The following ZNF8 variants were observed in gnomAD, a reference collection of about 807,000 sequenced individuals.
The protein encoded by ZNF8 is zinc finger protein 272.
Under a neutral mutation model 12.2 loss-of-function variants are expected in ZNF8, and 9 were observed. The observed-to-expected ratio is 0.73, with a 90% confidence interval of 0.44 to 1.28. The LOEUF is 1.28. Ranked by LOEUF, ZNF8 falls within the 50% of genes most tolerant of loss-of-function variation. The probability of loss-of-function intolerance (pLI) is 0.00; values close to 1 mark genes in which losing one functional copy is unlikely to be tolerated. For missense variants in ZNF8, 664 were observed against 729.1 expected (o/e 0.91, Z 1.03); for synonymous variants, 274 against 282.3 (o/e 0.97, Z 0.30).
At position 58,285,764 on chromosome 19, in the gene ZNF8, A is replaced by G. The variant is rs1366657218; in HGVS notation, c.114A>G (p.Glu38=). Reference sequence around the variant, plus strand: ...TGGCTGTGGACTTTACCCAGGAGGAATGGGGGCAGCTGGACCCTACCCAGA... The same window carrying G: ...TGGCTGTGGACTTTACCCAGGAGGAGTGGGGGCAGCTGGACCCTACCCAGA... ...RDVAVDFTQE[E]WGQLDPTQRI... The change falls in exon 2 of 4, where the codon GAA becomes GAG. Residue 38 remains glutamate (E), a synonymous_variant. Transcript: ENST00000621650. 5 of 1,614,036 alleles carry G rather than the reference A, an allele frequency of 3.1e-6. No homozygotes were observed. Among genetic ancestry groups the G allele is most frequent in the East Asian group, 4.5e-5 (2 of 44,882 alleles).
chr19:58,281,561 G>T (rs922244072), intron 1 of ZNF8, among the ~76,000 whole-genome samples: 19 of 152,110 alleles, frequency 1.2e-4, no homozygotes, highest in Non-Finnish European at 2.5e-4. Flanking sequence ...TGGTGTCTAG[G>T]CTGTCACCAG....
Position 58,295,272 on chromosome 19 carries a change from T to C in ZNF8, c.1464T>C (p.Thr488=). The C allele has an allele frequency of 6.2e-7, 1 of 1,614,150 alleles. No homozygotes were observed. The highest frequency in any genetic ancestry group is 8.5e-7 in the Non-Finnish European group (1 of 1,180,030). The change falls in exon 4 of 4, where the codon ACT becomes ACC. Residue 488 remains threonine (T), a synonymous_variant. Transcript: ENST00000621650. ...QSSHLIRHQI[T]HTREEQPHGR... is the part of the protein sequence containing the mutation. Reference sequence around the variant, plus strand: ...CTCACCTCATCCGGCACCAGATAACTCACACCAGAGAGGAGCAGCCCCATG... The same window carrying C: ...CTCACCTCATCCGGCACCAGATAACCCACACCAGAGAGGAGCAGCCCCATG...
intron 3 of ZNF8, among the ~76,000 whole-genome samples, chr19:58,293,255 GGGCCAGAGGTGACA>G (rs2051431140): frequency 6.6e-6 from 1 of 152,096 alleles, no homozygotes; most frequent in Non-Finnish European, 1.5e-5. Context: ...TCATATTTGG[GGGCCAGAGGTGACA>G]GAGCAGGAAG....
At position 58,279,692 on chromosome 19, in the gene ZNF8, G is replaced by A. The variant is rs944091039; in HGVS notation, c.66+545G>A. On this transcript the variant is annotated intron_variant, in intron 1 of 3. Coordinates refer to ENST00000621650, the MANE Select transcript of ZNF8 (RefSeq NM_021089.3). ...TGAGTGTGATGAGAGTGACCACCAGGGTCGTCCCCTGCGAGACTGTGGGAG... is the reference window on the plus strand; with the variant it reads ...TGAGTGTGATGAGAGTGACCACCAGAGTCGTCCCCTGCGAGACTGTGGGAG... The A allele has an allele frequency of 3.3e-6, 5 of 1,530,368 alleles. No homozygotes were observed. The Admixed American group carries it at 7.9e-5, about 24-fold the overall frequency. The allele number at this position is 1,530,368 out of a possible 1,614,324, so 94.8% of individuals were successfully genotyped here. A position where few individuals can be genotyped will look rare whatever the true frequency, so the allele number is the denominator to read the frequency against.
chr19:58,292,985 G>A (rs2051429335), intron 3 of ZNF8, among the ~76,000 whole-genome samples: 1 of 151,514 alleles, frequency 6.6e-6, no homozygotes, highest in Admixed American at 6.6e-5. Context: ...TCTCTGCTTG[G>A]TCGCCGAGGC....
chr19:58,292,210 A>T (rs1427672707), intron 3 of ZNF8, among the ~76,000 whole-genome samples: 1 of 152,196 alleles, frequency 6.6e-6, no homozygotes. Context: ...AGAACATTTC[A>T]TCACCATCTT....
chr19:58,295,375 A>G lies in ZNF8; in HGVS notation c.1567A>G (p.Ser523Gly). Residue 523 changes from serine to glycine, a missense_variant, in exon 4 of 4, where the codon AGC becomes GGC. Transcript: ENST00000621650. ...VQHQHPNSRKSSAGGAKAGQP... is the reference protein window; with the variant it reads ...VQHQHPNSRKGSAGGAKAGQP... The stretch of plus-strand genomic sequence containing the variant: ...GCATCAACACCCGAACTCCAGAAAG[A>G]GCTCTGCAGGCGGAGCAAAGGCAGG... 6.2e-7 allele frequency: 1 copy of G among 1,614,154 alleles called. No homozygotes were observed. The highest frequency in any genetic ancestry group is 1.3e-5 in the African/African-American group (1 of 75,056).
At chr19:58,286,300 A>G in intron 3 of ZNF8, 95 bp downstream of exon 3, 7 of 995,076 alleles carry the variant, frequency 7.0e-6, no homozygotes, top group East Asian at 2.5e-5. Flanking sequence ...GTGGTCCTGA[A>G]GACCACCCCA....
At chr19:58,279,382 T>A in intron 1 of ZNF8, 2 of 1,449,758 alleles carry the variant, frequency 1.4e-6, no homozygotes, top group Non-Finnish European at 1.8e-6. Context: ...GGCTCTGTCC[T>A]CCCCAGGGCT....
rs1181287171 is a variant in ZNF8, at chr19:58,295,212, A to G, written c.1404A>G (p.Lys468=). Residue 468 remains lysine, a synonymous_variant, in exon 4 of 4, where the codon AAA becomes AAG. Coordinates refer to ENST00000621650, the MANE Select transcript of ZNF8 (RefSeq NM_021089.3). ...ERTHRSDRPF[K]CNQCGKCFIQ... ...CTCACCGAAGCGACAGACCCTTCAA[A>G]TGTAATCAGTGTGGGAAGTGTTTCA... 3 of 1,614,232 alleles carry G rather than the reference A, an allele frequency of 1.9e-6. No individual in the cohort carries two copies. Among genetic ancestry groups the G allele is most frequent in the Non-Finnish European group, 2.5e-6 (3 of 1,180,042 alleles).
intron 1 of ZNF8, among the ~76,000 whole-genome samples, chr19:58,281,366 C>A (rs967998680): frequency 3.9e-5 from 6 of 152,134 alleles, no homozygotes; most frequent in African/African-American, 1.4e-4. Context: ...CCCCTTCAGG[C>A]TCCAGAAGTG....
At position 58,295,115 on chromosome 19, in the gene ZNF8, C is replaced by T. The variant is rs147485828; in HGVS notation, c.1307C>T (p.Thr436Met). 104 of 1,613,852 alleles carry T rather than the reference C, an allele frequency of 6.4e-5. No homozygotes were observed. The highest frequency in any genetic ancestry group is 1.2e-4 in the African/African-American group (9 of 74,932). Residue 436 changes from threonine to methionine, a missense_variant, in exon 4 of 4, where the codon ACG (threonine) becomes ATG (methionine). Physicochemically the swap from Thr to Met is moderately conservative, Grantham distance 81 (BLOSUM62 -1). Around this residue, in one of 3 missense-constraint regions of ZNF8, gnomAD observed 225 missense variants for 222.0 expected, o/e 1.01. Transcript: ENST00000621650. ...CGCCAGAGGCTGATCTTTGAGCAGA[C>T]GCCAGCTCTCACAAAGCATGAATGG... ...ECRQRLIFEQ[T>M]PALTKHEWTE...
chr19:58,300,004 A>C lies in ZNF8; in HGVS notation c.*4468A>C, dbSNP rs1434231922. On this transcript the variant is annotated 3_prime_UTR_variant, in exon 4 of 4. Coordinates refer to ENST00000621650, the MANE Select transcript of ZNF8 (RefSeq NM_021089.3). The stretch of plus-strand genomic sequence containing the variant: ...GTGTCAGCTCTCACTTTTCACAGCA[A>C]CTCTGGCCTCCTACCTTGGACTGCG... The C allele has an allele frequency of 6.6e-6, 1 of 151,856 alleles. No individual in the cohort carries two copies. Among genetic ancestry groups the C allele is most frequent in the African/African-American group, 2.4e-5 (1 of 41,286 alleles). 9.4% of individuals were successfully genotyped at this position (151,856 alleles called of 1,614,324 possible).
At chr19:58,293,947 GC>G in intron 3 of ZNF8, 150 bp from the exon 4 acceptor site, 2 of 672,814 alleles carry the variant, frequency 3.0e-6, no homozygotes, top group Non-Finnish European at 5.0e-6. Context: ...GTGTCTGAGG[GC>G]ACTTGATGTT....
chr19:58,293,678 G>A (rs1230272859), intron 3 of ZNF8, among the ~76,000 whole-genome samples: 1 of 152,192 alleles, frequency 6.6e-6, no homozygotes, highest in Non-Finnish European at 1.5e-5. Context: ...GCTGTGCTCA[G>A]CTCTAGAGGT....
At chr19:58,281,662 A>G (rs1011484761) in intron 1 of ZNF8, among the ~76,000 whole-genome samples, 2 of 152,176 alleles carry the variant, frequency 1.3e-5, no homozygotes, top group Non-Finnish European at 2.9e-5. Context: ...AGTGGAGGAA[A>G]GCGAAGACAC....
chr19:58,280,884 G>C (rs1446657831), intron 1 of ZNF8, among the ~76,000 whole-genome samples: 2 of 152,182 alleles, frequency 1.3e-5, no homozygotes, highest in Non-Finnish European at 2.9e-5. Flanking sequence ...TTGCTTCAGT[G>C]ATCATATTGC....
intron 3 of ZNF8, among the ~76,000 whole-genome samples, chr19:58,289,147 G>T (rs1176166381): frequency 1.3e-5 from 2 of 152,140 alleles, no homozygotes; most frequent in Non-Finnish European, 2.9e-5. Flanking sequence ...GTAATGCTTT[G>T]TATTAGTTTC....
chr19:58,299,231 G>C lies in ZNF8; in HGVS notation c.*3695G>C, dbSNP rs2051475850. The C allele has an allele frequency of 6.6e-6, 1 of 151,632 alleles. No homozygotes were observed. The highest frequency in any genetic ancestry group is 1.5e-5 in the Non-Finnish European group (1 of 67,980). 9.4% of individuals were successfully genotyped at this position (151,632 alleles called of 1,614,324 possible). A position where few individuals can be genotyped will look rare whatever the true frequency, so the allele number is the denominator to read the frequency against. On this transcript the variant is annotated 3_prime_UTR_variant, in exon 4 of 4. Transcript: ENST00000621650. ...AGGTTCATGCCATTCTCCTGCCTCA[G>C]CCTCCCGAGTAGCTGGGACTACAGG...
Sources: allele counts gnomAD v4.1 joint callset (sites outside exome capture counted in the v4.1 genomes callset), GRCh38; gene constraint gnomAD v4.1.1; regional missense constraint gnomAD v4.1.1; transcripts MANE v1.5; gene names NCBI Gene and HGNC (gene_info 2026-07-23, HGNC 2026-07-21).